Variants in SIRT3 observed in about 807,000 individuals in gnomAD.
The protein encoded by SIRT3 is sirtuin 3.
In SIRT3, 26 loss-of-function variants were observed where a neutral mutation model predicts 33.5. The observed-to-expected ratio is 0.78, with a 90% CI of 0.57 to 1.08. The LOEUF (loss-of-function observed/expected upper bound fraction) is 1.08. SIRT3 is among the 50% of genes least tolerant of loss of function. The pLI, the probability that SIRT3 is intolerant of heterozygous loss-of-function variation, is 0.00. For missense variants in SIRT3, 585 were observed against 530.1 expected (o/e 1.10, Z -1.02); for synonymous variants, 237 against 222.1 (o/e 1.07, Z -0.60).
rs1204599423 is a variant in SIRT3, at chr11:218,816, C to G, written c.1179+16G>C. On this transcript the variant is annotated intron_variant, in intron 6 of 6. Coordinates refer to ENST00000382743, the MANE Select transcript of SIRT3 (RefSeq NM_012239.6). ...GAAGGGCAGCCCCTTGGATGGTCCT[C>G]CTCAGCAGTCTGTACCTTCCCAGTT... The G allele has an allele frequency of 5.3e-5, 86 of 1,614,060 alleles. No individual in the cohort carries two copies. Among genetic ancestry groups the G allele is most frequent in the Non-Finnish European group, 6.6e-5 (78 of 1,180,048 alleles).
In SIRT3 at chr11:224,572, A is replaced by G. The variant is rs894906812; in HGVS notation, c.808-333T>C. 9.1e-4 allele frequency among the ~76,000 whole-genome samples: 139 copies of G among 152,328 alleles called. 2 individuals carry two copies. Among genetic ancestry groups the G allele is most frequent in the Middle Eastern group, 3.4e-3 (1 of 294 alleles). On this transcript the variant is annotated intron_variant, in intron 4 of 6. Transcript: ENST00000382743. ...CCAGAGACATCCAGGCGCTAAGGAA[A>G]CACCTGGTAGACCACACCAGTCCTC...
At position 218,914 on chromosome 11, in the gene SIRT3, A is replaced by G; in HGVS notation, c.1097T>C (p.Val366Ala). 1 of 1,613,970 alleles carries G rather than the reference A, an allele frequency of 6.2e-7. No individual in the cohort carries two copies. The highest frequency in any genetic ancestry group is 8.5e-7 in the Non-Finnish European group (1 of 1,179,986). The change falls in exon 6 of 7, where the codon GTG becomes GCG. Residue 366 changes from valine to alanine, a missense_variant. By Grantham distance (64) the Val-to-Ala change is moderately conservative. Coordinates refer to ENST00000382743, the MANE Select transcript of SIRT3 (RefSeq NM_012239.6). Reference sequence around the variant, plus strand: ...CACTAGGCTTTCCACGCCGTGAACCACGTCCCCCAGCTGGGCCACGTCCCT... The same window carrying G: ...CACTAGGCTTTCCACGCCGTGAACCGCGTCCCCCAGCTGGGCCACGTCCCT... ...RSRDVAQLGD[V>A]VHGVESLVEL...
chr11:218,780 T>C (rs763323322), intron 6 of SIRT3, 52 bp downstream of exon 6: 1 of 1,613,616 alleles, frequency 6.2e-7, no homozygotes, highest in Non-Finnish European at 8.5e-7. Context: ...GACCATACCC[T>C]AGAGCAGTGA....
At chr11:235,610 T>C (rs779826086) in intron 1 of SIRT3, among the ~76,000 whole-genome samples, 1 of 152,238 alleles carries the variant, frequency 6.6e-6, no homozygotes, top group Non-Finnish European at 1.5e-5. Flanking sequence ...CTAACAACCA[T>C]GGACCTTAAG....
chr11:236,281 G>A lies in SIRT3; in HGVS notation c.48C>T (p.Gly16=). The change falls in exon 1 of 7, where the codon GGC becomes GGT. Residue 16 remains glycine, a synonymous_variant. Transcript: ENST00000382743. ...CGGCCTCGACCCGTTCAACTACCCGGCCCCACAGCCGGAGGGCTGCCGCGG... is the reference window on the plus strand; with the variant it reads ...CGGCCTCGACCCGTTCAACTACCCGACCCCACAGCCGGAGGGCTGCCGCGG... ...WRAAAALRLW[G]RVVERVEAGG... 6.5e-7 allele frequency: 1 copy of A among 1,536,946 alleles called. No homozygotes were observed. Among genetic ancestry groups the A allele is most frequent in the Non-Finnish European group, 8.7e-7 (1 of 1,147,766 alleles).
At chr11:230,610 C>G (rs1386252513) in intron 3 of SIRT3, 58 bp from the exon 4 acceptor site, 1 of 1,246,036 alleles carries the variant, frequency 8.0e-7, no homozygotes, top group Admixed American at 2.8e-5. Context: ...CACGCAAGGC[C>G]AAGAGCACAA....
chr11:235,581 A>G (rs1347713380), intron 1 of SIRT3, among the ~76,000 whole-genome samples: 1 of 152,206 alleles, frequency 6.6e-6, no homozygotes, highest in Non-Finnish European at 1.5e-5. Flanking sequence ...ATATTCATCC[A>G]TTATAGGGCA....
intron 6 of SIRT3, among the ~76,000 whole-genome samples, chr11:218,251 C>T (rs1855929878): frequency 1.3e-5 from 2 of 152,202 alleles, no homozygotes; most frequent in African/African-American, 4.8e-5. Context: ...CATTGAAAAC[C>T]CTTAATATCA....
upstream of SIRT3, chr11:236,859 C>T (rs1188840155): frequency 1.7e-6 from 1 of 604,996 alleles, no homozygotes; most frequent in East Asian, 2.8e-5. Flanking sequence ...CTGCAAACGC[C>T]GGAGAGTTTT....
intron 4 of SIRT3, among the ~76,000 whole-genome samples, chr11:228,031 C>T (rs1857408618): frequency 1.3e-5 from 2 of 152,244 alleles, no homozygotes; most frequent in African/African-American, 2.4e-5. Flanking sequence ...ACAGAGCAAG[C>T]AGGCCTCCCA....
intron 4 of SIRT3, among the ~76,000 whole-genome samples, chr11:229,351 A>T (rs1274536702): frequency 2.6e-5 from 4 of 152,176 alleles, no homozygotes; most frequent in Non-Finnish European, 5.9e-5. Flanking sequence ...AAGCTGAGGC[A>T]GGAGAATCGC....
chr11:224,477 TG>T (rs1336892829), intron 4 of SIRT3, among the ~76,000 whole-genome samples: 1 of 152,230 alleles, frequency 6.6e-6, no homozygotes, highest in Admixed American at 6.5e-5. Flanking sequence ...GGACATCATA[TG>T]TTTCACCCAT....
intron 4 of SIRT3, among the ~76,000 whole-genome samples, chr11:226,944 G>A (rs1857257826): frequency 6.7e-6 from 1 of 150,078 alleles, no homozygotes; most frequent in Non-Finnish European, 1.5e-5. Flanking sequence ...GTAGATATGG[G>A]GTTTCTCCAT....
At chr11:225,752 G>A (rs1590157699) in intron 4 of SIRT3, 1 of 152,260 alleles carries the variant, frequency 6.6e-6, no homozygotes, top group South Asian at 2.1e-4. Context: ...TCTAATGTAT[G>A]TTCAATCAGA....
At position 236,292 on chromosome 11, in the gene SIRT3, G is replaced by C. The variant is rs750513427; in HGVS notation, c.37C>G (p.Arg13Gly). The change falls in exon 1 of 7, where the codon CGG becomes GGG. Residue 13 changes from arginine to glycine, a missense_variant. Arg to Gly is a moderately radical substitution (Grantham distance 125, BLOSUM62 -2). Coordinates refer to ENST00000382743, the MANE Select transcript of SIRT3 (RefSeq NM_012239.6). ...CGTTCAACTACCCGGCCCCACAGCCGGAGGGCTGCCGCGGCGCGCCAACCC... is the reference window on the plus strand; with the variant it reads ...CGTTCAACTACCCGGCCCCACAGCCCGAGGGCTGCCGCGGCGCGCCAACCC... Reference protein sequence around the residue: ...FWGWRAAAALRLWGRVVERVE... With the variant: ...FWGWRAAAALGLWGRVVERVE... 4.6e-6 allele frequency: 7 copies of C among 1,530,200 alleles called. No homozygotes were observed. The highest frequency in any genetic ancestry group is 1.9e-4 in the Middle Eastern group (1 of 5,342). The allele number at this position is 1,530,200 out of a possible 1,614,324, so 94.8% of individuals were successfully genotyped here.
At chr11:218,278 A>G (rs181535981) in intron 6 of SIRT3, among the ~76,000 whole-genome samples, 30 of 152,336 alleles carry the variant, frequency 2.0e-4, no homozygotes, top group African/African-American at 6.5e-4. Flanking sequence ...CACATGCTAC[A>G]TGATTCTTAT....
At chr11:221,658 C>T (rs1856459201) in intron 5 of SIRT3, among the ~76,000 whole-genome samples, 2 of 152,180 alleles carry the variant, frequency 1.3e-5, no homozygotes, top group Admixed American at 1.3e-4. Flanking sequence ...CCACAAAGCA[C>T]ATGAGATAGA....
intron 1 of SIRT3, among the ~76,000 whole-genome samples, chr11:234,325 C>A (rs888079805): frequency 6.6e-6 from 1 of 152,242 alleles, no homozygotes; most frequent in Non-Finnish European, 1.5e-5. Context: ...CAAAGCCAAA[C>A]TGGAGGAAGC....
At chr11:218,055 G>GC (rs1554889948) in intron 6 of SIRT3, among the ~76,000 whole-genome samples, 7,844 of 152,100 alleles carry the variant, frequency 0.052, 299 homozygotes, top group Admixed American at 0.072. Context: ...TGATTGTGAG[G>GC]CCCCCACAGC....
Sources: gnomAD v4.1 joint callset for allele counts (sites outside exome capture counted in the v4.1 genomes callset) on GRCh38, gnomAD v4.1.1 for gene constraint, MANE v1.5 for transcripts, NCBI Gene and HGNC (gene_info 2026-07-23, HGNC 2026-07-21) for gene names.